The following TANGO6 variants were observed in gnomAD, a reference collection of about 807,000 sequenced individuals.
The protein encoded by TANGO6 is transport and golgi organization 6 homolog.
A neutral mutation model predicts 114.2 loss-of-function variants in TANGO6; 90 were observed. That is an observed-to-expected ratio of 0.79 (90% CI 0.66 to 0.94). The LOEUF is 0.94. Among genes scored for constraint, TANGO6 ranks in the 40% least tolerant of loss-of-function variants. The pLI is 0.00. For synonymous variants in TANGO6, 477 were observed against 509.8 expected (o/e 0.94, Z 0.87); for missense variants, 1,274 against 1,315.3 (o/e 0.97, Z 0.49).
chr16:68,875,349 G>A (rs1962337745), intron 5 of TANGO6, 59 bp downstream of exon 5: 2 of 1,567,226 alleles, frequency 1.3e-6, no homozygotes, highest in East Asian at 2.3e-5. Flanking sequence ...ACAGAAAGAG[G>A]ACTTTTAATG....
At chr16:69,047,216 C>T (rs562724776) in intron 17 of TANGO6, among the ~76,000 whole-genome samples, 3 of 148,672 alleles carry the variant, frequency 2.0e-5, no homozygotes, top group East Asian at 2.0e-4. Context: ...TTAGGCTGGG[C>T]GCGGTGTCTC....
At chr16:68,960,343 A>G (rs1963576912) in intron 14 of TANGO6, among the ~76,000 whole-genome samples, 1 of 138,808 alleles carries the variant, frequency 7.2e-6, no homozygotes, top group Non-Finnish European at 1.5e-5. Context: ...CTTGATCATC[A>G]TGGTGTTCTT....
At chr16:69,036,973 A>G (rs1311573752) in intron 16 of TANGO6, among the ~76,000 whole-genome samples, 1 of 151,630 alleles carries the variant, frequency 6.6e-6, no homozygotes, top group Admixed American at 6.6e-5. Flanking sequence ...ACAGAAAAAA[A>G]AAAGAAAAAG....
chr16:68,947,587 CTTT>C (rs1231636901), intron 14 of TANGO6, among the ~76,000 whole-genome samples: 3 of 118,454 alleles, frequency 2.5e-5, no homozygotes, highest in Admixed American at 8.7e-5. Context: ...TAACCCATCT[CTTT>C]TTTTTTTTTT....
At chr16:68,873,124 C>G (rs1409592771) in intron 4 of TANGO6, among the ~76,000 whole-genome samples, 4 of 151,862 alleles carry the variant, frequency 2.6e-5, no homozygotes, top group East Asian at 1.9e-4. Flanking sequence ...CCATGTCCCC[C>G]CAAAGAAGCC....
chr16:69,042,020 G>A (rs1414498839), intron 17 of TANGO6, among the ~76,000 whole-genome samples: 1 of 152,090 alleles, frequency 6.6e-6, no homozygotes, highest in East Asian at 1.9e-4. Flanking sequence ...TTCTTATTTT[G>A]GGGAACTAGG....
At chr16:68,889,616 C>T (rs1208899301) in intron 7 of TANGO6, among the ~76,000 whole-genome samples, 1 of 152,120 alleles carries the variant, frequency 6.6e-6, no homozygotes, top group African/African-American at 2.4e-5. Context: ...CCTTGAATTA[C>T]AAGCAAAAGA....
intron 15 of TANGO6, among the ~76,000 whole-genome samples, chr16:69,020,900 A>ATG (rs764050755): frequency 5.2e-4 from 66 of 126,474 alleles, no homozygotes; most frequent in African/African-American, 1.7e-3. Context: ...TTATATATGT[A>ATG]TGTATGTGTG....
At chr16:68,871,866 C>T (rs1041919393) in intron 4 of TANGO6, among the ~76,000 whole-genome samples, 3 of 152,198 alleles carry the variant, frequency 2.0e-5, no homozygotes, top group African/African-American at 7.2e-5. Context: ...GTGATCCACC[C>T]ACCTTGGCCT....
At chr16:69,020,943 G>T (rs960476085) in intron 15 of TANGO6, among the ~76,000 whole-genome samples, 6 of 116,134 alleles carry the variant, frequency 5.2e-5, no homozygotes, top group South Asian at 4.9e-4. Context: ...TGTGTGTGTG[G>T]TGTGTGTGTG....
At chr16:69,030,128 G>C (rs1442907797) in intron 16 of TANGO6, among the ~76,000 whole-genome samples, 1 of 142,096 alleles carries the variant, frequency 7.0e-6, no homozygotes, top group Non-Finnish European at 1.5e-5. Context: ...AAAAAAAAAA[G>C]GGAAATAAGA....
chr16:68,921,607 C>CTTTTTTTTTTTTTTTTTTTTTTTGTTT (rs1167059062), intron 12 of TANGO6, among the ~76,000 whole-genome samples: 2 of 57,942 alleles, frequency 3.5e-5, no homozygotes, highest in African/African-American at 8.3e-5. Flanking sequence ...TGAGAGTGTG[C>CTTTTTTTTTTTTTTTTTTTTTTTGTTT]TTTTTTTTTT....
chr16:69,015,237 C>T (rs1047204674), intron 15 of TANGO6, among the ~76,000 whole-genome samples: 2 of 152,098 alleles, frequency 1.3e-5, no homozygotes, highest in Non-Finnish European at 2.9e-5. Flanking sequence ...GGTCCAGTCT[C>T]GGAGAACGTG....
Position 68,904,154 on chromosome 16 carries a change from T to C in TANGO6, c.1667+1650T>C, listed in dbSNP as rs558824358. On this transcript the variant is annotated intron_variant, in intron 9 of 17. Transcript: ENST00000261778. Reference sequence around the variant, plus strand: ...CTGAGTGTTGCTCTGTCGCTCAGACTGGAGTGCAATGGCATGATCTTGGCT... The same window carrying C: ...CTGAGTGTTGCTCTGTCGCTCAGACCGGAGTGCAATGGCATGATCTTGGCT... 4.3e-4 allele frequency among the ~76,000 whole-genome samples: 65 copies of C among 152,292 alleles called. No homozygotes were observed. In the South Asian group the frequency reaches 0.013, roughly 31 times the overall value.
chr16:68,855,308 G>A (rs749927710), intron 1 of TANGO6, among the ~76,000 whole-genome samples: 8 of 152,118 alleles, frequency 5.3e-5, no homozygotes, highest in South Asian at 2.1e-4. Flanking sequence ...TAGGCCAGGC[G>A]TGGTGGCTCA....
At position 69,060,039 on chromosome 16, in the gene TANGO6, C is replaced by T. The variant is rs150566901; in HGVS notation, c.3108+19618C>T. On this transcript the variant is annotated intron_variant, in intron 17 of 17. Coordinates refer to ENST00000261778, the MANE Select transcript of TANGO6 (RefSeq NM_024562.2). ...TCTGCCATCCTGATTCCTGCCTCCA[C>T]ATCTTGGTCACATCTTGGTCCATAC... Among the ~76,000 whole-genome samples, 798 of 152,310 alleles carry T rather than the reference C, an allele frequency of 5.2e-3. 12 individuals are homozygous for T. In the Middle Eastern group the frequency reaches 0.085, roughly 16 times the overall value.
intron 14 of TANGO6, among the ~76,000 whole-genome samples, chr16:68,955,760 A>G (rs1004109279): frequency 6.6e-6 from 1 of 152,200 alleles, no homozygotes; most frequent in Non-Finnish European, 1.5e-5. Flanking sequence ...AGGTAGATTA[A>G]AACATTAAAT....
At chr16:68,944,750 A>G (rs1235760424) in intron 14 of TANGO6, among the ~76,000 whole-genome samples, 5 of 152,228 alleles carry the variant, frequency 3.3e-5, no homozygotes, top group East Asian at 3.8e-4. Flanking sequence ...CTGACACCAC[A>G]TATGTCAAAA....
intron 11 of TANGO6, among the ~76,000 whole-genome samples, chr16:68,911,916 A>G (rs1430547272): frequency 6.6e-6 from 1 of 152,220 alleles, no homozygotes; most frequent in Non-Finnish European, 1.5e-5. Flanking sequence ...AGGGACTCCC[A>G]TTGCCATAGA....
Sources: gnomAD v4.1 joint callset for allele counts (sites outside exome capture counted in the v4.1 genomes callset) on GRCh38, gnomAD v4.1.1 for gene constraint, MANE v1.5 for transcripts, NCBI Gene and HGNC (gene_info 2026-07-23, HGNC 2026-07-21) for gene names.